B3GALNT1: variants seen among roughly 807,000 people sequenced by gnomAD.
B3GALNT1 encodes the protein UDP-GalNAc:beta-1,3-N-acetylgalactosaminyltransferase 1.
A neutral mutation model predicts 27.3 loss-of-function variants in B3GALNT1; 17 were observed. That is an observed-to-expected ratio of 0.62 (90% CI 0.43 to 0.94). B3GALNT1 has a LOEUF of 0.94. B3GALNT1 is among the 40% of genes least tolerant of loss of function. The probability of loss-of-function intolerance (pLI) is 0.00; values close to 1 mark genes in which losing one functional copy is unlikely to be tolerated. For synonymous variants in B3GALNT1, 141 were observed against 144.0 expected (o/e 0.98, Z 0.15); for missense variants, 347 against 390.0 (o/e 0.89, Z 0.93).
rs1336126346 is a variant in B3GALNT1, at chr3:161,101,185, G to A, written c.-81C>T. On this transcript the variant is annotated 5_prime_UTR_variant, in exon 4 of 5. Coordinates refer to ENST00000320474, the MANE Select transcript of B3GALNT1 (RefSeq NM_003781.4). ...TCGGAGAGCACCACGTGATAGAGCA[G>A]CCAGCGGGAAGAGCCAACAGGTCAA... The A allele has an allele frequency of 7.8e-7, 1 of 1,289,786 alleles. No homozygotes were observed. 79.9% of individuals were successfully genotyped at this position (1,289,786 alleles called of 1,614,324 possible).
At chr3:161,102,987 G>C (rs1464802760) in intron 3 of B3GALNT1, 1 of 152,212 alleles carries the variant, frequency 6.6e-6, no homozygotes, top group African/African-American at 2.4e-5. Context: ...AGAACTTGAA[G>C]TTGAATATGA....
chr3:161,099,201 GA>G (rs1158285454), intron 4 of B3GALNT1, among the ~76,000 whole-genome samples: 1 of 152,014 alleles, frequency 6.6e-6, no homozygotes, highest in African/African-American at 2.4e-5. Flanking sequence ...TCAAACTGGG[GA>G]AAAAAATCAC....
rs769330145 is a variant in B3GALNT1 at position 161,102,856 on chromosome 3, C to A, written c.-130+571G>T. 3.3e-5 allele frequency among the ~76,000 whole-genome samples: 5 copies of A among 152,048 alleles called. No homozygotes were observed. In the South Asian group the frequency reaches 6.2e-4, roughly 19 times the overall value. On this transcript the variant is annotated intron_variant, in intron 3 of 4. Transcript: ENST00000320474. ...CAAAAGAGGGTTCTACCTGCATCAT[C>A]CAATGGTGGATGGAACAAAGCTGGA...
chr3:161,104,042 C>A, intron 2 of B3GALNT1: 1 of 248,490 alleles, frequency 4.0e-6, no homozygotes, highest in South Asian at 4.1e-5. Context: ...GCTGTTTTGA[C>A]AACAGTGTTT....
chr3:161,098,872 C>T (rs1266644442), intron 4 of B3GALNT1, among the ~76,000 whole-genome samples: 1 of 152,206 alleles, frequency 6.6e-6, no homozygotes, highest in Non-Finnish European at 1.5e-5. Flanking sequence ...CTCTGTTTGA[C>T]TATCCTAAGC....
rs1721305409 is a variant in B3GALNT1, at chr3:161,085,744, T to C, written c.*15A>G. 5.0e-6 allele frequency: 8 copies of C among 1,613,602 alleles called. No individual in the cohort carries two copies. Among genetic ancestry groups the C allele is most frequent in the South Asian group, 1.1e-5 (1 of 91,084 alleles). The stretch of plus-strand genomic sequence containing the variant: ...AAAGTATCCTGTCCTTCTAGGCTTT[T>C]TGTAGAATGTGAAGTTAATAATGGC... On this transcript the variant is annotated 3_prime_UTR_variant, in exon 5 of 5. Coordinates refer to ENST00000320474, the MANE Select transcript of B3GALNT1 (RefSeq NM_003781.4).
At position 161,086,689 on chromosome 3, in the gene B3GALNT1, G is replaced by A. The variant is rs538498490; in HGVS notation, c.66C>T (p.Leu22=). The A allele has an allele frequency of 4.3e-6, 7 of 1,614,188 alleles. No individual in the cohort carries two copies. In the Admixed American group the frequency reaches 6.7e-5, roughly 15 times the overall value. ...RMSLRSLKWS[L]LLLSLLSFFV... is the part of the protein sequence containing the mutation. The stretch of plus-strand genomic sequence containing the variant: ...AGAAACTCAGGAGTGACAGCAGCAG[G>A]AGGCTCCATTTGAGGGATCTCAGTG... Residue 22 remains leucine, a synonymous_variant, in exon 5 of 5, where the codon CTC becomes CTT. Transcript: ENST00000320474.
chr3:161,092,117 T>A (rs112707225), intron 4 of B3GALNT1, among the ~76,000 whole-genome samples: 6 of 152,192 alleles, frequency 3.9e-5, no homozygotes, highest in Admixed American at 2.0e-4. Context: ...TACAATGTAA[T>A]GTTTAACTGG....
At chr3:161,097,767 C>G (rs1380972855) in intron 4 of B3GALNT1, among the ~76,000 whole-genome samples, 1 of 152,170 alleles carries the variant, frequency 6.6e-6, no homozygotes, top group Admixed American at 6.5e-5. Flanking sequence ...TGGAGGAGAG[C>G]TGCAAAATAC....
At chr3:161,088,831 C>T (rs1723447888) in intron 4 of B3GALNT1, among the ~76,000 whole-genome samples, 1 of 152,172 alleles carries the variant, frequency 6.6e-6, no homozygotes, top group African/African-American at 2.4e-5. Context: ...GGCCCTACTA[C>T]TCTTCAATAA....
chr3:161,092,212 T>C (rs1347275427), intron 4 of B3GALNT1, among the ~76,000 whole-genome samples: 1 of 152,194 alleles, frequency 6.6e-6, no homozygotes, highest in Non-Finnish European at 1.5e-5. Context: ...TCCATAAATA[T>C]ATGTCCATAA....
At chr3:161,093,727 T>C (rs1324234335) in intron 4 of B3GALNT1, among the ~76,000 whole-genome samples, 2 of 152,262 alleles carry the variant, frequency 1.3e-5, no homozygotes, top group Admixed American at 1.3e-4. Context: ...GGCCAGGCAC[T>C]GTGGTTCACA....
At chr3:161,088,167 A>G (rs1723031972) in intron 4 of B3GALNT1, among the ~76,000 whole-genome samples, 1 of 152,198 alleles carries the variant, frequency 6.6e-6, no homozygotes, top group South Asian at 2.1e-4. Context: ...CTCTTAATAC[A>G]TATGAAAATA....
At chr3:161,101,349 C>T (rs550270417) in intron 3 of B3GALNT1, 116 bp from the exon 4 acceptor site, 5 of 496,638 alleles carry the variant, frequency 1.0e-5, no homozygotes, top group African/African-American at 9.9e-5. Context: ...GGAAGAGTAT[C>T]GGGGAGCTGC....
At chr3:161,098,718 G>A (rs1459302029) in intron 4 of B3GALNT1, among the ~76,000 whole-genome samples, 2 of 152,190 alleles carry the variant, frequency 1.3e-5, no homozygotes, top group East Asian at 3.9e-4. Context: ...TTTTGGCAAT[G>A]GAGAAATTCC....
rs575047024 is a variant in B3GALNT1, at chr3:161,098,385, T to C, written c.-35+2754A>G. Among the ~76,000 whole-genome samples, 19 of 152,256 alleles carry C rather than the reference T, an allele frequency of 1.2e-4. No individual in the cohort carries two copies. In the South Asian group the frequency reaches 3.3e-3, roughly 27 times the overall value. Reference sequence around the variant, plus strand: ...ATACTTTCACAGTGCAGCACCTCTGTTCTTCTTCAGAGGTGAAGAGTTGTC... The same window carrying C: ...ATACTTTCACAGTGCAGCACCTCTGCTCTTCTTCAGAGGTGAAGAGTTGTC... On this transcript the variant is annotated intron_variant, in intron 4 of 4. Transcript: ENST00000320474.
At chr3:161,101,293 T>A in intron 3 of B3GALNT1, 60 bp from the exon 4 acceptor site, 1 of 1,042,004 alleles carries the variant, frequency 9.6e-7, no homozygotes, top group Non-Finnish European at 1.3e-6. Context: ...CCCTGAAAGC[T>A]GGGCTTTCTG....
At chr3:161,095,762 C>T (rs925813202) in intron 4 of B3GALNT1, among the ~76,000 whole-genome samples, 2 of 152,238 alleles carry the variant, frequency 1.3e-5, no homozygotes, top group Non-Finnish European at 2.9e-5. Flanking sequence ...AGCCACAAAG[C>T]TGAAGCAAAC....
rs1733109024 is a variant in B3GALNT1, at chr3:161,104,327, A to C, written c.-229T>G. 1 of 1,289,538 alleles carries C rather than the reference A, an allele frequency of 7.8e-7. No individual in the cohort carries two copies. The highest frequency in any genetic ancestry group is 1.0e-6 in the Non-Finnish European group (1 of 988,846). 79.9% of individuals were successfully genotyped at this position (1,289,538 alleles called of 1,614,324 possible). Reference sequence around the variant, plus strand: ...ACCCAAATTTTCCTTACCTCTGAAAACAGAAAAAAAGACATGGTTTGGCAA... The same window carrying C: ...ACCCAAATTTTCCTTACCTCTGAAACCAGAAAAAAAGACATGGTTTGGCAA... On this transcript the variant is annotated 5_prime_UTR_variant, in exon 2 of 5. Coordinates refer to ENST00000320474, the MANE Select transcript of B3GALNT1 (RefSeq NM_003781.4).
Sources: allele counts gnomAD v4.1 joint callset (sites outside exome capture counted in the v4.1 genomes callset), GRCh38; gene constraint gnomAD v4.1.1; transcripts MANE v1.5; gene names NCBI Gene and HGNC (gene_info 2026-07-23, HGNC 2026-07-21).